Variants in TRAF3IP3 observed in about 807,000 individuals in gnomAD.
The protein encoded by TRAF3IP3 is TRAF3 interacting protein 3.
In TRAF3IP3, 64 loss-of-function variants were observed where a neutral mutation model predicts 86.5. The observed-to-expected ratio is 0.74, with a 90% CI of 0.60 to 0.91. The LOEUF is 0.91. Ranked by LOEUF, TRAF3IP3 falls within the 40% of genes least tolerant of loss-of-function variation. The pLI, the probability that TRAF3IP3 is intolerant of heterozygous loss-of-function variation, is 0.00. For missense variants in TRAF3IP3, 579 were observed against 642.9 expected, an observed-to-expected ratio of 0.90 and a Z score of 1.07; for synonymous variants, 220 against 243.9, an observed-to-expected ratio of 0.90 and a Z score of 0.91.
chr1:209,782,204 A>C lies in TRAF3IP3; in HGVS notation c.*56A>C. 1.4e-6 allele frequency: 2 copies of C among 1,438,930 alleles called. No homozygotes were observed. Among genetic ancestry groups the C allele is most frequent in the Non-Finnish European group, 9.8e-7 (1 of 1,020,772 alleles). 89.1% of individuals were successfully genotyped at this position (1,438,930 alleles called of 1,614,324 possible). A position where few individuals can be genotyped will look rare whatever the true frequency, so the allele number is the denominator to read the frequency against. ...TCAGAAGCAAGCAACTCAGCGAAAA[A>C]CTCAGAAGGTTTGGGTACATTACAG... is the stretch of plus-strand genomic sequence containing the variant. On this transcript the variant is annotated 3_prime_UTR_variant, in exon 17 of 17. Transcript: ENST00000367025.
intron 5 of TRAF3IP3, 72 bp from the exon 6 acceptor site, chr1:209,762,996 G>A: frequency 2.5e-6 from 4 of 1,595,570 alleles, no homozygotes; most frequent in East Asian, 4.5e-5. Flanking sequence ...CTCTTCAGAA[G>A]GAATCAACCC....
At chr1:209,764,761 AT>A (rs2077309869) in intron 8 of TRAF3IP3, among the ~76,000 whole-genome samples, 1 of 151,562 alleles carries the variant, frequency 6.6e-6, no homozygotes, top group Admixed American at 6.6e-5. Flanking sequence ...AAAAAAAAAA[AT>A]CTAAAGGCAT....
chr1:209,764,396 G>T (rs1029601564), intron 8 of TRAF3IP3, among the ~76,000 whole-genome samples: 2 of 152,186 alleles, frequency 1.3e-5, no homozygotes, highest in Non-Finnish European at 1.5e-5. Context: ...ATAAGCATTT[G>T]CCAGGAAAAT....
intron 16 of TRAF3IP3, 193 bp from the exon 17 acceptor site, chr1:209,781,863 T>A (rs1268459896): frequency 3.4e-6 from 2 of 581,916 alleles, no homozygotes; most frequent in South Asian, 4.2e-5. Flanking sequence ...TACGGCTCCC[T>A]GGGCCAGAGA....
rs2077730124 is a variant in TRAF3IP3, at chr1:209,779,440, G to GA, written c.1312+67dup. 4.2e-6 allele frequency: 6 copies of GA among 1,413,866 alleles called. No homozygotes were observed. The East Asian group carries it at 1.4e-4, about 32-fold the overall frequency. The allele number at this position is 1,413,866 out of a possible 1,614,324, so 87.6% of individuals were successfully genotyped here. Reference sequence around the variant, plus strand: ...TCTCTTACCTGCCTAGAGGCAGCGGGATGGACTACATGACCTCCTGGAGTC... The same window carrying GA: ...TCTCTTACCTGCCTAGAGGCAGCGGGAATGGACTACATGACCTCCTGGAGTC... On this transcript the variant is annotated intron_variant, in intron 14 of 16. Coordinates refer to ENST00000367025, the MANE Select transcript of TRAF3IP3 (RefSeq NM_025228.4).
Position 209,762,605 on chromosome 1 carries a change from G to A in TRAF3IP3, c.436G>A (p.Ala146Thr). 6.6e-7 allele frequency: 1 copy of A among 1,520,166 alleles called. No homozygotes were observed. The highest frequency in any genetic ancestry group is 1.3e-5 in the South Asian group (1 of 74,110). 94.2% of individuals were successfully genotyped at this position (1,520,166 alleles called of 1,614,324 possible). Residue 146 changes from alanine to threonine, a missense_variant, in exon 4 of 17, where the codon GCT becomes ACT. Physicochemically the swap from Ala to Thr is moderately conservative, Grantham distance 58. Coordinates refer to ENST00000367025, the MANE Select transcript of TRAF3IP3 (RefSeq NM_025228.4). ...TCTGTCTGACCACCTCTCCTCACAG[G>A]CTGGGGGCCTTCCTCCACAGGACAC... ...RDLSDHLSSQ[A>T]GGLPPQDTPI...
At chr1:209,777,587 G>A in intron 12 of TRAF3IP3, 100 bp downstream of exon 12, 1 of 1,272,552 alleles carries the variant, frequency 7.9e-7, no homozygotes, top group Non-Finnish European at 1.1e-6. Context: ...CCTTTTATTT[G>A]TTTGCTTGAT....
In TRAF3IP3 at chr1:209,781,294, C is replaced by T. The variant is rs755714442; in HGVS notation, c.1450-51C>T. On this transcript the variant is annotated intron_variant, in intron 15 of 16. Transcript: ENST00000367025. ...CAAAGGGCAGTCTCCCCTGCCTGGG[C>T]TCTGTCCTAGACAGAAGTGACAGTG... is the stretch of plus-strand genomic sequence containing the variant. 3.8e-6 allele frequency: 5 copies of T among 1,300,186 alleles called. No homozygotes were observed. The South Asian group carries it at 4.9e-5, about 13-fold the overall frequency. The allele number at this position is 1,300,186 out of a possible 1,614,324, so 80.5% of individuals were successfully genotyped here.
chr1:209,762,713 C>A (rs2077267354), intron 4 of TRAF3IP3, 51 bp downstream of exon 4: 2 of 1,601,250 alleles, frequency 1.2e-6, no homozygotes, highest in Non-Finnish European at 1.7e-6. Flanking sequence ...AATCCTGAGA[C>A]AACTGTCCCA....
chr1:209,779,822 G>A (rs923037968), intron 14 of TRAF3IP3: 2 of 330,212 alleles, frequency 6.1e-6, no homozygotes, highest in Non-Finnish European at 1.1e-5. Flanking sequence ...CTCCTCACCT[G>A]TCCACTACAC....
intron 8 of TRAF3IP3, 51 bp downstream of exon 8, chr1:209,763,638 C>T: frequency 6.9e-7 from 1 of 1,452,328 alleles, no homozygotes; most frequent in Non-Finnish European, 9.6e-7. Context: ...TATGTGTTCC[C>T]ATCTCATTTT....
At chr1:209,780,644 G>A (rs370782498) in intron 15 of TRAF3IP3, 38 bp downstream of exon 15, 240 of 1,471,622 alleles carry the variant, frequency 1.6e-4, no homozygotes, top group Non-Finnish European at 2.1e-4. Flanking sequence ...GCTCATTTGC[G>A]AAATAGCAGA....
At chr1:209,779,521 T>G in intron 14 of TRAF3IP3, 147 bp downstream of exon 14, 1 of 732,582 alleles carries the variant, frequency 1.4e-6, no homozygotes, top group Non-Finnish European at 2.5e-6. Flanking sequence ...TTTTAAGGAC[T>G]GATCATTGGC....
chr1:209,777,579 TTTTA>T (rs1278675163), intron 12 of TRAF3IP3, 92 bp downstream of exon 12: 13 of 1,322,416 alleles, frequency 9.8e-6, no homozygotes, highest in Admixed American at 5.1e-5. Context: ...GGCTTCAGCC[TTTTA>T]TTTGTTTGCT....
chr1:209,768,420 T>C (rs2077397747), intron 8 of TRAF3IP3: 3 of 985,386 alleles, frequency 3.0e-6, no homozygotes, highest in South Asian at 9.4e-5. Flanking sequence ...CTTTCAATAT[T>C]GTGCAATACA....
Position 209,775,456 on chromosome 1 carries a change from A to T in TRAF3IP3, c.882A>T (p.Lys294Asn), listed in dbSNP as rs2077632018. The stretch of plus-strand genomic sequence containing the variant: ...CACTGCAGAAAGTGCTGGAGGAGAA[A>T]ATGAATGCAGAGCAGCAACTACAGA... ...KESLQKVLEE[K>N]MNAEQQLQST... The change falls in exon 10 of 17, where the codon AAA becomes AAT. Residue 294 changes from lysine (K) to asparagine (N), a missense_variant. Lys to Asn is a moderately conservative substitution (Grantham distance 94). Transcript: ENST00000367025. 6.2e-7 allele frequency: 1 copy of T among 1,614,208 alleles called. No individual in the cohort carries two copies. The highest frequency in any genetic ancestry group is 2.2e-5 in the East Asian group (1 of 44,882).
intron 15 of TRAF3IP3, 42 bp from the exon 16 acceptor site, chr1:209,781,303 A>C: frequency 7.1e-7 from 1 of 1,416,528 alleles, no homozygotes. Flanking sequence ...GCTCTGTCCT[A>C]GACAGAAGTG....
intron 8 of TRAF3IP3, among the ~76,000 whole-genome samples, chr1:209,770,549 G>A (rs1208292799): frequency 7.3e-6 from 1 of 137,354 alleles, no homozygotes; most frequent in East Asian, 4.1e-4. Context: ...GCAGGTGGAG[G>A]TGTGTGTGTC....
Position 209,772,933 on chromosome 1 carries a change from T to A in TRAF3IP3, c.703-15T>A. The A allele has an allele frequency of 1.2e-6, 2 of 1,613,124 alleles. No homozygotes were observed. Among genetic ancestry groups the A allele is most frequent in the Non-Finnish European group, 1.7e-6 (2 of 1,179,516 alleles). ...ATTTTGCCCCAAGCTCATTAACTCA[T>A]CCCATTTGCTCCAGGGACAGCTTAA... On this transcript the variant is annotated splice_polypyrimidine_tract_variant and intron_variant, in intron 8 of 16. Transcript: ENST00000367025.
Sources: gnomAD v4.1 joint callset for allele counts (sites outside exome capture counted in the v4.1 genomes callset) on GRCh38, gnomAD v4.1.1 for gene constraint, MANE v1.5 for transcripts, NCBI Gene and HGNC (gene_info 2026-07-23, HGNC 2026-07-21) for gene names.